The following ZNF664 variants were observed in gnomAD, a reference collection of about 807,000 sequenced individuals.
The protein encoded by ZNF664 is zinc finger protein 664.
A neutral mutation model predicts 18.2 loss-of-function variants in ZNF664; 10 were observed. The ratio of observed to expected loss-of-function variants is 0.55; its 90% CI spans 0.34 to 0.93. The LOEUF (loss-of-function observed/expected upper bound fraction) is 0.93, where lower values mean the gene tolerates loss of function less well. ZNF664 is among the 40% of genes least tolerant of loss of function. ZNF664 has a pLI of 0.02. For synonymous variants in ZNF664, 119 were observed against 104.2 expected (o/e 1.14, Z -0.86); for missense variants, 193 against 319.0 (o/e 0.61, Z 3.01).
At chr12:123,992,030 A>G (rs911338500) in intron 3 of ZNF664, among the ~76,000 whole-genome samples, 5 of 152,252 alleles carry the variant, frequency 3.3e-5, no homozygotes, top group African/African-American at 7.2e-5. Flanking sequence ...TCCGCAGGAC[A>G]AAATGAAGCA....
In ZNF664 at chr12:124,011,260, C is replaced by A. The variant is rs1010737631; in HGVS notation, c.-660-121C>A. 80 of 982,622 alleles carry A rather than the reference C, an allele frequency of 8.1e-5. No homozygotes were observed. In the African/African-American group the frequency reaches 1.3e-3, roughly 16 times the overall value. 60.9% of individuals were successfully genotyped at this position (982,622 alleles called of 1,614,324 possible). Reference sequence around the variant, plus strand: ...CACATGTAGGTCTTTTTGAGGATTTCTTTTCTCTTTCAATAATGTTCCCCT... The same window carrying A: ...CACATGTAGGTCTTTTTGAGGATTTATTTTCTCTTTCAATAATGTTCCCCT... On this transcript the variant is annotated intron_variant, in intron 3 of 4. Transcript: ENST00000337815.
At chr12:123,992,390 C>T (rs868624463) in intron 3 of ZNF664, among the ~76,000 whole-genome samples, 5 of 152,142 alleles carry the variant, frequency 3.3e-5, no homozygotes, top group Non-Finnish European at 7.4e-5. Context: ...TCTTTTCAGT[C>T]TGGAGCAGAT....
chr12:123,973,590 CCGCAGTGCGGGGGAGCGGGGCCGGGGGG>C, intron 1 of ZNF664: 1 of 377,248 alleles, frequency 2.7e-6, no homozygotes. Flanking sequence ...GGCCGCGGGC[CCGCAGTGCGGGGGAGCGGGGCCGGGGGG>C]CGCAGATGGC....
At chr12:124,008,088 T>G (rs1957094282) in intron 3 of ZNF664, among the ~76,000 whole-genome samples, 1 of 152,226 alleles carries the variant, frequency 6.6e-6, no homozygotes, top group Admixed American at 6.5e-5. Context: ...CTGATTGTTA[T>G]GTCTCAAATC....
chr12:124,012,988 C>A lies in ZNF664; in HGVS notation c.*58C>A. The A allele has an allele frequency of 6.5e-7, 1 of 1,546,898 alleles. No individual in the cohort carries two copies. Among genetic ancestry groups the A allele is most frequent in the East Asian group, 2.3e-5 (1 of 43,780 alleles). On this transcript the variant is annotated 3_prime_UTR_variant, in exon 5 of 5. Coordinates refer to ENST00000337815, the MANE Select transcript of ZNF664 (RefSeq NM_152437.3). ...CCATAAGTGCCACTAGGAAGGAAACCCTGTATATACCTACATTGACCCAAG... is the reference window on the plus strand; with the variant it reads ...CCATAAGTGCCACTAGGAAGGAAACACTGTATATACCTACATTGACCCAAG...
At position 124,013,162 on chromosome 12, in the gene ZNF664, C is replaced by T. The variant is rs891551270; in HGVS notation, c.*232C>T. ...CAGGATGGCTCTCAGGTCCCAGTCA[C>T]AGACGTCGCTTCCTGGGATTCCAGC... is the stretch of plus-strand genomic sequence containing the variant. On this transcript the variant is annotated 3_prime_UTR_variant, in exon 5 of 5. Transcript: ENST00000337815. The T allele has an allele frequency of 5.1e-6, 3 of 591,936 alleles. No homozygotes were observed. Among genetic ancestry groups the T allele is most frequent in the Non-Finnish European group, 8.8e-6 (3 of 339,628 alleles). The allele number at this position is 591,936 out of a possible 1,614,324, so 36.7% of individuals were successfully genotyped here. A position where few individuals can be genotyped will look rare whatever the true frequency, so the allele number is the denominator to read the frequency against.
chr12:124,013,131 T>TCCAC lies in ZNF664; in HGVS notation c.*202_*205dup. 1.4e-6 allele frequency: 1 copy of TCCAC among 737,078 alleles called. No homozygotes were observed. Among genetic ancestry groups the TCCAC allele is most frequent in the Non-Finnish European group, 2.2e-6 (1 of 457,974 alleles). 45.7% of individuals were successfully genotyped at this position (737,078 alleles called of 1,614,324 possible). On this transcript the variant is annotated 3_prime_UTR_variant, in exon 5 of 5. Coordinates refer to ENST00000337815, the MANE Select transcript of ZNF664 (RefSeq NM_152437.3). ...GACTTTGAATGTGGACCTCTGAGCA[T>TCCAC]CCACGCAGGATGGCTCTCAGGTCCC... is the stretch of plus-strand genomic sequence containing the variant.
At chr12:124,008,310 T>C (rs912768574) in intron 3 of ZNF664, among the ~76,000 whole-genome samples, 1 of 152,204 alleles carries the variant, frequency 6.6e-6, no homozygotes, top group African/African-American at 2.4e-5. Context: ...TTGACAAGAA[T>C]GTCTTCAGAG....
At chr12:123,983,985 C>A (rs1956795929) in intron 2 of ZNF664, among the ~76,000 whole-genome samples, 1 of 152,172 alleles carries the variant, frequency 6.6e-6, no homozygotes, top group Admixed American at 6.5e-5. Context: ...ACATTGATTT[C>A]AAGTCCTAAC....
intron 2 of ZNF664, among the ~76,000 whole-genome samples, chr12:123,980,781 A>C (rs1489989552): frequency 1.3e-5 from 2 of 152,216 alleles, no homozygotes; most frequent in Admixed American, 6.5e-5. Context: ...AATCTTAAGA[A>C]TTGTGGAATT....
intron 3 of ZNF664, among the ~76,000 whole-genome samples, chr12:123,990,446 C>T (rs557299346): frequency 6.6e-6 from 1 of 152,104 alleles, no homozygotes; most frequent in African/African-American, 2.4e-5. Flanking sequence ...CCCAACCTGT[C>T]TTCCTTCTTT....
Position 123,981,688 on chromosome 12 carries a change from T to G in ZNF664, c.-756-6355T>G, listed in dbSNP as rs538086256. Among the ~76,000 whole-genome samples the G allele has an allele frequency of 2.6e-5, 4 of 152,344 alleles. No individual in the cohort carries two copies. The East Asian group carries it at 7.7e-4, about 29-fold the overall frequency. ...AATATAGTAGGCTTTGGTGAGGAAG[T>G]GACTGATTCAGTTTTGGATGTACTT... On this transcript the variant is annotated intron_variant, in intron 2 of 4. Transcript: ENST00000337815.
chr12:123,977,458 T>C (rs1327733082), intron 2 of ZNF664, among the ~76,000 whole-genome samples: 13 of 53,312 alleles, frequency 2.4e-4, no homozygotes, highest in Non-Finnish European at 4.3e-4. Flanking sequence ...GAACCTAAAA[T>C]GGCCAAAAAA....
At chr12:124,005,472 T>C (rs1488901359) in intron 3 of ZNF664, among the ~76,000 whole-genome samples, 1 of 143,120 alleles carries the variant, frequency 7.0e-6, no homozygotes, top group Non-Finnish European at 1.5e-5. Flanking sequence ...GACTGGATGA[T>C]AATTTATAGA....
At position 123,973,234 on chromosome 12, in the gene ZNF664, T is replaced by A. The variant is rs1227604442; in HGVS notation, c.-1010T>A. ...GCACGCGCGCTGTCCCCCGGAGGCG[T>A]CTGGGTGTGCGGAGCGCGCGCGCGC... is the stretch of plus-strand genomic sequence containing the variant. On this transcript the variant is annotated 5_prime_UTR_variant, in exon 1 of 5. Transcript: ENST00000337815. The A allele has an allele frequency of 6.1e-6, 6 of 985,538 alleles. No individual in the cohort carries two copies. Among genetic ancestry groups the A allele is most frequent in the African/African-American group, 1.8e-5 (1 of 55,042 alleles). The allele number at this position is 985,538 out of a possible 1,614,324, so 61.0% of individuals were successfully genotyped here. A position where few individuals can be genotyped will look rare whatever the true frequency, so the allele number is the denominator to read the frequency against.
At position 123,973,230 on chromosome 12, in the gene ZNF664, G is replaced by A. The variant is rs560211597; in HGVS notation, c.-1014G>A. 70 of 988,864 alleles carry A rather than the reference G, an allele frequency of 7.1e-5. No homozygotes were observed. Among genetic ancestry groups the A allele is most frequent in the Non-Finnish European group, 8.0e-5 (67 of 834,016 alleles). The allele number at this position is 988,864 out of a possible 1,614,324, so 61.3% of individuals were successfully genotyped here. Reference sequence around the variant, plus strand: ...GTGCGCACGCGCGCTGTCCCCCGGAGGCGTCTGGGTGTGCGGAGCGCGCGC... The same window carrying A: ...GTGCGCACGCGCGCTGTCCCCCGGAAGCGTCTGGGTGTGCGGAGCGCGCGC... On this transcript the variant is annotated 5_prime_UTR_variant, in exon 1 of 5. Coordinates refer to ENST00000337815, the MANE Select transcript of ZNF664 (RefSeq NM_152437.3).
In ZNF664 at chr12:124,012,856, C is replaced by G. The variant is rs1344408849; in HGVS notation, c.712C>G (p.Gln238Glu). The G allele has an allele frequency of 6.2e-7, 1 of 1,614,040 alleles. No individual in the cohort carries two copies. ...TGATGAGTGCGGAAAGGCCTTCAGT[C>G]AGAGTACGAGCCTCTGCATCCACCA... ...KCDECGKAFSQSTSLCIHQRV... is the reference protein window; with the variant it reads ...KCDECGKAFSESTSLCIHQRV... The change falls in exon 5 of 5, where the codon CAG becomes GAG. Residue 238 changes from glutamine to glutamate, a missense_variant. By Grantham distance (29) the Gln-to-Glu change is conservative. Transcript: ENST00000337815.
chr12:124,013,017 T>TA lies in ZNF664; in HGVS notation c.*88dup, dbSNP rs373153449. On this transcript the variant is annotated 3_prime_UTR_variant, in exon 5 of 5. Coordinates refer to ENST00000337815, the MANE Select transcript of ZNF664 (RefSeq NM_152437.3). ...TATATACCTACATTGACCCAAGAAA[T>TA]ATTTACGCAATCCCTAGCAGAACAT... 1,326 of 1,442,568 alleles carry TA rather than the reference T, an allele frequency of 9.2e-4. 5 individuals are homozygous for TA. The African/African-American group carries it at 0.016, about 17-fold the overall frequency. The allele number at this position is 1,442,568 out of a possible 1,614,324, so 89.4% of individuals were successfully genotyped here.
At chr12:123,973,392 C>G (rs1403785166) in intron 1 of ZNF664, 40 bp downstream of exon 1, 2 of 962,548 alleles carry the variant, frequency 2.1e-6, no homozygotes. Flanking sequence ...TTCTTTCTTT[C>G]CCGGAGGGAG....
Sources: allele counts gnomAD v4.1 joint callset (sites outside exome capture counted in the v4.1 genomes callset), GRCh38; gene constraint gnomAD v4.1.1; transcripts MANE v1.5; gene names NCBI Gene and HGNC (gene_info 2026-07-23, HGNC 2026-07-21).